The following UBE2Q1 variants were observed in gnomAD, a reference collection of about 807,000 sequenced individuals.
UBE2Q1 encodes the protein ubiquitin conjugating enzyme E2 Q1.
UBE2Q1 carries 6 observed loss-of-function variants against 60.1 expected under a neutral mutation model. That is an observed-to-expected ratio of 0.10 (90% CI 0.05 to 0.20). The LOEUF (loss-of-function observed/expected upper bound fraction) is 0.20, where lower values mean the gene tolerates loss of function less well. Among genes scored for constraint, UBE2Q1 ranks in the 10% least tolerant of loss-of-function variants. The pLI is 1.00. For missense variants in UBE2Q1, 262 were observed against 525.8 expected (o/e 0.50, Z 4.91); for synonymous variants, 226 against 208.3 (o/e 1.09, Z -0.73).
rs1241942353 is a variant in UBE2Q1, at chr1:154,558,445, G to A, written c.109C>T (p.Pro37Ser). 1.1e-4 allele frequency: 169 copies of A among 1,472,948 alleles called. No homozygotes were observed. Among genetic ancestry groups the A allele is most frequent in the Non-Finnish European group, 1.4e-4 (161 of 1,116,112 alleles). The allele number at this position is 1,472,948 out of a possible 1,614,324, so 91.2% of individuals were successfully genotyped here. The change falls in exon 1 of 13, where the codon CCG becomes TCG. Residue 37 changes from proline (P) to serine (S), a missense_variant. Pro to Ser is a moderately conservative substitution (Grantham distance 74). Coordinates refer to ENST00000292211, the MANE Select transcript of UBE2Q1 (RefSeq NM_017582.7). ...AGGGPGGGPG[P>S]GPCLRRELKL... is the part of the protein sequence containing the mutation. ...AGCTCTCGCCTCAGGCAGGGCCCCG[G>A]CCCCGGGCCCCCCCCTGGGCCGCCC...
At position 154,554,535 on chromosome 1, in the gene UBE2Q1, G is replaced by A. The variant is rs576528982; in HGVS notation, c.588+200C>T. ...ACTTACCCAGTATTTGGTTTGAACC[G>A]CGCTGCACCTGTCTTCAGTGGTTGG... On this transcript the variant is annotated intron_variant, in intron 4 of 12. Coordinates refer to ENST00000292211, the MANE Select transcript of UBE2Q1 (RefSeq NM_017582.7). 1.7e-4 allele frequency: 91 copies of A among 537,114 alleles called. 1 individual carries two copies. The South Asian group carries it at 2.3e-3, about 14-fold the overall frequency. The allele number at this position is 537,114 out of a possible 1,614,324, so 33.3% of individuals were successfully genotyped here.
intron 3 of UBE2Q1, 135 bp from the exon 4 acceptor site, chr1:154,554,920 C>G (rs966298558): frequency 2.3e-6 from 2 of 852,590 alleles, no homozygotes; most frequent in African/African-American, 3.4e-5. Flanking sequence ...CTCCACCAGC[C>G]AGATCTGAGT....
intron 12 of UBE2Q1, chr1:154,550,686 A>G: frequency 1.0e-6 from 1 of 985,278 alleles, no homozygotes. Context: ...GAGTTAGATG[A>G]GCTTTTTCAA....
intron 1 of UBE2Q1, among the ~76,000 whole-genome samples, chr1:154,556,242 A>G (rs970761981): frequency 2.0e-5 from 3 of 152,208 alleles, no homozygotes; most frequent in Admixed American, 1.3e-4. Flanking sequence ...AACCTAGCAC[A>G]GCCAAACTTG....
At chr1:154,551,181 C>G in intron 11 of UBE2Q1, 177 bp from the exon 12 acceptor site, 1 of 875,676 alleles carries the variant, frequency 1.1e-6, no homozygotes, top group Admixed American at 2.6e-5. Flanking sequence ...CATAGTCTTC[C>G]TTTTCCAGAC....
chr1:154,553,324 C>A (rs1428002213), intron 4 of UBE2Q1, 152 bp from the exon 5 acceptor site: 2 of 1,016,732 alleles, frequency 2.0e-6, no homozygotes, highest in Non-Finnish European at 2.8e-6. Flanking sequence ...AACGTGCTTT[C>A]CATTTTTAGA....
chr1:154,551,633 G>T, intron 10 of UBE2Q1, 138 bp downstream of exon 10: 1 of 1,449,108 alleles, frequency 6.9e-7, no homozygotes, highest in Non-Finnish European at 9.7e-7. Flanking sequence ...TGTCTGTCTA[G>T]GTCAGTGGGT....
At chr1:154,556,774 G>C (rs1695896645) in intron 1 of UBE2Q1, among the ~76,000 whole-genome samples, 1 of 152,170 alleles carries the variant, frequency 6.6e-6, no homozygotes, top group African/African-American at 2.4e-5. Context: ...TTAACTTCCT[G>C]CCAGGGACAA....
At position 154,551,466 on chromosome 1, in the gene UBE2Q1, C is replaced by T; in HGVS notation, c.1101G>A (p.Glu367=). Reference sequence around the variant, plus strand: ...TGGCACTGATCTGCATGATCACTGACTCTATGGAGTAGGCACTGCTCCAGC... The same window carrying T: ...TGGCACTGATCTGCATGATCACTGATTCTATGGAGTAGGCACTGCTCCAGC... ...KQGWSSAYSI[E]SVIMQISATL... Residue 367 remains glutamate, a synonymous_variant, in exon 11 of 13, where the codon GAG becomes GAA. Coordinates refer to ENST00000292211, the MANE Select transcript of UBE2Q1 (RefSeq NM_017582.7). 6.2e-7 allele frequency: 1 copy of T among 1,614,218 alleles called. No individual in the cohort carries two copies. Among genetic ancestry groups the T allele is most frequent in the Non-Finnish European group, 8.5e-7 (1 of 1,180,032 alleles).
intron 3 of UBE2Q1, 80 bp downstream of exon 3, chr1:154,555,348 A>T: frequency 1.6e-6 from 2 of 1,212,904 alleles, no homozygotes; most frequent in Non-Finnish European, 2.4e-6. Context: ...GAGAGAAACT[A>T]CTGATTTGTC....
Position 154,550,023 on chromosome 1 carries a change from T to C in UBE2Q1, c.*415A>G, listed in dbSNP as rs956759085. The C allele has an allele frequency of 1.9e-5, 3 of 162,022 alleles. No individual in the cohort carries two copies. The highest frequency in any genetic ancestry group is 7.2e-5 in the African/African-American group (3 of 41,822). 10.0% of individuals were successfully genotyped at this position (162,022 alleles called of 1,614,324 possible). On this transcript the variant is annotated 3_prime_UTR_variant, in exon 13 of 13. Coordinates refer to ENST00000292211, the MANE Select transcript of UBE2Q1 (RefSeq NM_017582.7). ...TGTAATTGTTTTCCCAAAGATACAT[T>C]TTTTTCATACACATCCATCATACAC...
At chr1:154,554,591 G>T in intron 4 of UBE2Q1, 144 bp downstream of exon 4, 1 of 860,958 alleles carries the variant, frequency 1.2e-6, no homozygotes, top group Non-Finnish European at 1.8e-6. Flanking sequence ...CTACTACACT[G>T]GCTATTCCTC....
rs1362606650 is a variant in UBE2Q1, at chr1:154,558,641, G to A, written c.-88C>T. On this transcript the variant is annotated 5_prime_UTR_variant, in exon 1 of 13. Transcript: ENST00000292211. ...CGCCGCCGCCGCCGCCGCCGCCGCC[G>A]CCGCCGCGGTCCGCACTTCCTGATC... 5.0e-6 allele frequency: 5 copies of A among 993,052 alleles called. No homozygotes were observed. The highest frequency in any genetic ancestry group is 6.0e-6 in the Non-Finnish European group (5 of 839,644). 61.5% of individuals were successfully genotyped at this position (993,052 alleles called of 1,614,324 possible). A position where few individuals can be genotyped will look rare whatever the true frequency, so the allele number is the denominator to read the frequency against.
chr1:154,551,025 G>C, intron 11 of UBE2Q1, 21 bp from the exon 12 acceptor site: 1 of 1,613,932 alleles, frequency 6.2e-7, no homozygotes, highest in Non-Finnish European at 8.5e-7. Context: ...GAAGCCACCA[G>C]ATCAGGCCAT....
At chr1:154,558,015 C>T (rs766607373) in intron 1 of UBE2Q1, among the ~76,000 whole-genome samples, 2 of 152,016 alleles carry the variant, frequency 1.3e-5, no homozygotes, top group South Asian at 4.2e-4. Context: ...CGCCATATGT[C>T]GGGGTGTCCC....
intron 1 of UBE2Q1, among the ~76,000 whole-genome samples, chr1:154,557,394 G>C (rs1400680102): frequency 6.6e-6 from 1 of 152,228 alleles, no homozygotes; most frequent in Non-Finnish European, 1.5e-5. Flanking sequence ...CCAATTCTCT[G>C]TTCAAGGGAT....
intron 1 of UBE2Q1, among the ~76,000 whole-genome samples, chr1:154,556,756 C>T (rs1270977741): frequency 6.6e-6 from 1 of 152,182 alleles, no homozygotes. Flanking sequence ...GCTGAGGACC[C>T]CCTAAATTTA....
chr1:154,552,366 T>TC lies in UBE2Q1; in HGVS notation c.875+37dup, dbSNP rs1490538970. The TC allele has an allele frequency of 4.3e-6, 7 of 1,612,794 alleles. No individual in the cohort carries two copies. In the Admixed American group the frequency reaches 5.0e-5, roughly 12 times the overall value. On this transcript the variant is annotated intron_variant, in intron 7 of 12. Transcript: ENST00000292211. ...ACCACAGTAGCCCCACTCACACTCC[T>TC]CCTCAACTTCCTCTCCAATCCCAGA...
intron 4 of UBE2Q1, 170 bp downstream of exon 4, chr1:154,554,565 G>C: frequency 1.6e-6 from 1 of 632,620 alleles, no homozygotes; most frequent in East Asian, 2.9e-5. Context: ...GGTTGGATAT[G>C]GGTGCCCTGT....
Sources: gnomAD v4.1 joint callset for allele counts (sites outside exome capture counted in the v4.1 genomes callset) on GRCh38, gnomAD v4.1.1 for gene constraint, MANE v1.5 for transcripts, NCBI Gene and HGNC (gene_info 2026-07-23, HGNC 2026-07-21) for gene names.